The following LMOD1 variants were observed in gnomAD, a reference collection of about 807,000 sequenced individuals.
LMOD1 encodes leiomodin-1.
LMOD1 carries 8 observed loss-of-function variants against 36.5 expected under a neutral mutation model. The ratio of observed to expected loss-of-function variants is 0.22; its 90% CI spans 0.13 to 0.40. The LOEUF is 0.40. Among genes scored for constraint, LMOD1 ranks in the 10% least tolerant of loss-of-function variants. The pLI, the probability that LMOD1 is intolerant of heterozygous loss-of-function variation, is 1.00. For missense variants in LMOD1, 630 were observed against 751.1 expected, an observed-to-expected ratio of 0.84 and a Z score of 1.88; for synonymous variants, 284 against 288.7, an observed-to-expected ratio of 0.98 and a Z score of 0.17.
At chr1:201,901,999 G>A (rs572754099) in intron 1 of LMOD1, among the ~76,000 whole-genome samples, 135 of 145,860 alleles carry the variant, frequency 9.3e-4, no homozygotes, top group African/African-American at 3.2e-3. Flanking sequence ...GTCTTGTTAT[G>A]TTGCCCAGGC....
At chr1:201,937,561 C>T (rs1051844214) in intron 1 of LMOD1, among the ~76,000 whole-genome samples, 3 of 152,014 alleles carry the variant, frequency 2.0e-5, no homozygotes, top group South Asian at 2.1e-4. Flanking sequence ...CCCAGGAGTT[C>T]GACACCAGCC....
chr1:201,941,766 T>G (rs148120547), intron 1 of LMOD1, among the ~76,000 whole-genome samples: 1,603 of 152,240 alleles, frequency 0.011, 25 homozygotes, highest in African/African-American at 0.036. Context: ...TATTAGTAGG[T>G]TGCTTCGGGT....
At chr1:201,929,048 G>C (rs1422832798) in intron 1 of LMOD1, among the ~76,000 whole-genome samples, 1 of 151,194 alleles carries the variant, frequency 6.6e-6, no homozygotes, top group African/African-American at 2.4e-5. Context: ...TTTCTTTAGG[G>C]TCTATCTGTG....
chr1:201,924,665 A>AAAAGAAAGAAAGAAAGAAAGAAGAAAG (rs1681787391), intron 1 of LMOD1, among the ~76,000 whole-genome samples: 11 of 130,192 alleles, frequency 8.4e-5, no homozygotes, highest in African/African-American at 3.0e-4. Context: ...AGAAAGAAAA[A>AAAAGAAAGAAAGAAAGAAAGAAGAAAG]AAAGAAAGAA....
chr1:201,931,779 G>A (rs1319873379), intron 1 of LMOD1, among the ~76,000 whole-genome samples: 1 of 151,962 alleles, frequency 6.6e-6, no homozygotes. Context: ...GGACATGCCT[G>A]TAATCCCAGC....
intron 1 of LMOD1, among the ~76,000 whole-genome samples, chr1:201,938,953 C>G (rs1158047693): frequency 6.6e-6 from 1 of 152,128 alleles, no homozygotes; most frequent in Non-Finnish European, 1.5e-5. Context: ...TCCTTTCACT[C>G]TGTCTTTTTC....
rs1211969664 is a variant in LMOD1 at position 201,897,379 on chromosome 1, C to G, written c.*993G>C. The G allele has an allele frequency of 6.4e-6, 1 of 156,390 alleles. No individual in the cohort carries two copies. Among genetic ancestry groups the G allele is most frequent in the Non-Finnish European group, 1.4e-5 (1 of 70,316 alleles). The allele number at this position is 156,390 out of a possible 1,614,324, so 9.7% of individuals were successfully genotyped here. The stretch of plus-strand genomic sequence containing the variant: ...GCACCCCTGAGAACAACTCTGGCTA[C>G]TGACTCCAGGCAGCAGGACTGGTTC... On this transcript the variant is annotated 3_prime_UTR_variant, in exon 3 of 3. Coordinates refer to ENST00000367288, the MANE Select transcript of LMOD1 (RefSeq NM_012134.3).
chr1:201,900,786 G>C, intron 1 of LMOD1, 35 bp from the exon 2 acceptor site: 4 of 1,538,268 alleles, frequency 2.6e-6, no homozygotes, highest in Non-Finnish European at 3.5e-6. Context: ...ATCATGAAAA[G>C]CTGGCTACAG....
intron 1 of LMOD1, among the ~76,000 whole-genome samples, chr1:201,908,235 C>T (rs534641801): frequency 1.6e-4 from 24 of 152,298 alleles, no homozygotes; most frequent in South Asian, 2.1e-4. Flanking sequence ...TACCTGCTTC[C>T]GCTACTTCAA....
At chr1:201,920,845 A>G (rs567901052) in intron 1 of LMOD1, among the ~76,000 whole-genome samples, 2 of 152,246 alleles carry the variant, frequency 1.3e-5, no homozygotes, top group South Asian at 4.2e-4. Flanking sequence ...CCTGGGCAAC[A>G]TAGTGTGACC....
chr1:201,923,481 G>C (rs190440164), intron 1 of LMOD1, among the ~76,000 whole-genome samples: 1 of 152,276 alleles, frequency 6.6e-6, no homozygotes, highest in Non-Finnish European at 1.5e-5. Context: ...AGCTACTCAG[G>C]AGTCTGAGGC....
intron 1 of LMOD1, among the ~76,000 whole-genome samples, chr1:201,938,737 G>A (rs924304001): frequency 6.6e-6 from 1 of 152,166 alleles, no homozygotes; most frequent in Admixed American, 6.5e-5. Flanking sequence ...TCCATGAAAG[G>A]GTGGTGGAAG....
chr1:201,923,906 A>AGG (rs148401904), intron 1 of LMOD1, among the ~76,000 whole-genome samples: 3 of 128,258 alleles, frequency 2.3e-5, no homozygotes, highest in Non-Finnish European at 5.2e-5. Context: ...AGAGAGAGGG[A>AGG]GGGAGAGAGA....
chr1:201,919,649 G>A (rs1274868942), intron 1 of LMOD1, among the ~76,000 whole-genome samples: 1 of 152,188 alleles, frequency 6.6e-6, no homozygotes, highest in Non-Finnish European at 1.5e-5. Flanking sequence ...CTGCTTTTCT[G>A]TGGGCTAGAA....
chr1:201,945,355 C>T lies in LMOD1; in HGVS notation c.261+725G>A, dbSNP rs114382627. On this transcript the variant is annotated intron_variant, in intron 1 of 2. Coordinates refer to ENST00000367288, the MANE Select transcript of LMOD1 (RefSeq NM_012134.3). ...TCTTCAACCCCCAGCAAAGCGGCCT[C>T]GCCAGCTGCTAAAGGGTTAATTACC... 5.9e-3 allele frequency among the ~76,000 whole-genome samples: 904 copies of T among 152,322 alleles called. 15 individuals are homozygous for T. The highest frequency in any genetic ancestry group is 0.021 in the African/African-American group (862 of 41,572).
At chr1:201,924,135 T>G (rs1571585597) in intron 1 of LMOD1, among the ~76,000 whole-genome samples, 1 of 146,820 alleles carries the variant, frequency 6.8e-6, no homozygotes, top group Non-Finnish European at 1.5e-5. Flanking sequence ...GCTAACACGG[T>G]GAAACCCCAT....
At position 201,899,129 on chromosome 1, in the gene LMOD1, T is replaced by C; in HGVS notation, c.1776+108A>G. On this transcript the variant is annotated intron_variant, in intron 2 of 2. Coordinates refer to ENST00000367288, the MANE Select transcript of LMOD1 (RefSeq NM_012134.3). The surrounding 1 kb of genome is among the most constrained non-coding windows in gnomAD (Gnocchi z 6.3). Reference sequence around the variant, plus strand: ...CTATGGGCCCTGGGAGTCTATATCATCTGCAGCCGACATAAGCTCCTCTGC... The same window carrying C: ...CTATGGGCCCTGGGAGTCTATATCACCTGCAGCCGACATAAGCTCCTCTGC... 2 of 1,022,248 alleles carry C rather than the reference T, an allele frequency of 2.0e-6. No individual in the cohort carries two copies. Among genetic ancestry groups the C allele is most frequent in the African/African-American group, 1.6e-5 (1 of 61,680 alleles). The allele number at this position is 1,022,248 out of a possible 1,614,324, so 63.3% of individuals were successfully genotyped here.
chr1:201,898,962 G>T (rs957636239), intron 2 of LMOD1, among the ~76,000 whole-genome samples: 68 of 152,170 alleles, frequency 4.5e-4, no homozygotes, highest in African/African-American at 1.6e-3. Context: ...GGAGAAACAG[G>T]CTTCATTGCA....
intron 1 of LMOD1, among the ~76,000 whole-genome samples, chr1:201,924,726 AAAGAAAAG>A (rs1218538250): frequency 3.4e-5 from 5 of 148,466 alleles, no homozygotes; most frequent in African/African-American, 9.9e-5. Flanking sequence ...AGAAAGAAAG[AAAGAAAAG>A]AAAGAAATAG....
Sources: gnomAD v4.1 joint callset for allele counts (sites outside exome capture counted in the v4.1 genomes callset) on GRCh38, gnomAD v4.1.1 for gene constraint, Gnocchi (gnomAD v3.1) non-coding constraint, MANE v1.5 for transcripts, NCBI Gene and HGNC (gene_info 2026-07-23, HGNC 2026-07-21) for gene names.